NUP85: variants seen among roughly 807,000 people sequenced by gnomAD.
NUP85 encodes the protein nucleoporin 85.
A neutral mutation model predicts 92.8 loss-of-function variants in NUP85; 23 were observed. The ratio of observed to expected loss-of-function variants is 0.25; its 90% CI spans 0.18 to 0.35. The LOEUF (loss-of-function observed/expected upper bound fraction) is 0.35. Among genes scored for constraint, NUP85 ranks in the 10% least tolerant of loss-of-function variants. NUP85 has a pLI of 1.00. For missense variants in NUP85, 759 were observed against 822.8 expected, an observed-to-expected ratio of 0.92 and a Z score of 0.95; for synonymous variants, 314 against 306.9, an observed-to-expected ratio of 1.02 and a Z score of -0.24.
chr17:75,210,375 ACT>A (rs1461885602), intron 3 of NUP85, among the ~76,000 whole-genome samples: 1 of 152,104 alleles, frequency 6.6e-6, no homozygotes, highest in Non-Finnish European at 1.5e-5. Context: ...AGACCAGAAA[ACT>A]CTCGTACTAT....
At position 75,212,077 on chromosome 17, in the gene NUP85, C is replaced by CGCAT; in HGVS notation, c.361+17_361+18insATGC. 1 of 1,488,322 alleles carries CGCAT rather than the reference C, an allele frequency of 6.7e-7. No individual in the cohort carries two copies. Among genetic ancestry groups the CGCAT allele is most frequent in the Non-Finnish European group, 9.0e-7 (1 of 1,113,418 alleles). The allele number at this position is 1,488,322 out of a possible 1,614,324, so 92.2% of individuals were successfully genotyped here. A position where few individuals can be genotyped will look rare whatever the true frequency, so the allele number is the denominator to read the frequency against. ...CCAGGTTGCAAGTAAGGACTGTGTG[C>CGCAT]GCGTGCGCGCGTGTGTGTGTGTGTG... On this transcript the variant is annotated intron_variant, in intron 4 of 18. Coordinates refer to ENST00000245544, the MANE Select transcript of NUP85 (RefSeq NM_024844.5).
In NUP85 at chr17:75,212,228, G is replaced by GTTTTT. The variant is rs768963282; in HGVS notation, c.361+166_361+167insTTTTT. Among the ~76,000 whole-genome samples the GTTTTT allele has an allele frequency of 4.7e-5, 4 of 84,564 alleles. 2 individuals carry two copies. Among genetic ancestry groups the GTTTTT allele is most frequent in the Non-Finnish European group, 4.5e-5 (2 of 44,846 alleles). The allele number at this position is 84,564 out of a possible 152,430, so 55.5% of individuals were successfully genotyped here. On this transcript the variant is annotated intron_variant, in intron 4 of 18. Coordinates refer to ENST00000245544, the MANE Select transcript of NUP85 (RefSeq NM_024844.5). ...CTTACTTTTTTGGTAATCATTTAGA[G>GTTTTT]GTTTTTTTTTTTGTTGTTGTTTTTT...
chr17:75,220,583 T>TTTTA (rs769505494), intron 7 of NUP85, among the ~76,000 whole-genome samples: 3 of 151,404 alleles, frequency 2.0e-5, no homozygotes, highest in African/African-American at 4.9e-5. Flanking sequence ...CAGCTAAAGT[T>TTTTA]TTTATTTATT....
intron 14 of NUP85, 84 bp downstream of exon 14, chr17:75,232,063 C>A (rs2076083358): frequency 6.9e-7 from 1 of 1,440,546 alleles, no homozygotes; most frequent in Non-Finnish European, 9.5e-7. Flanking sequence ...CCTACCCCAG[C>A]CATCCTCCTC....
chr17:75,225,951 G>T, intron 10 of NUP85, 100 bp from the exon 11 acceptor site: 1 of 1,592,610 alleles, frequency 6.3e-7, no homozygotes, highest in Non-Finnish European at 8.6e-7. Context: ...CTTAGTGAAA[G>T]AACAAGGCAC....
chr17:75,213,609 A>G (rs903320044), intron 5 of NUP85, among the ~76,000 whole-genome samples: 1 of 151,950 alleles, frequency 6.6e-6, no homozygotes, highest in Non-Finnish European at 1.5e-5. Context: ...TTCCGTTCTT[A>G]TGGAACATAT....
At chr17:75,207,781 A>G (rs1047505395) in intron 1 of NUP85, among the ~76,000 whole-genome samples, 2 of 151,918 alleles carry the variant, frequency 1.3e-5, no homozygotes, top group Non-Finnish European at 2.9e-5. Flanking sequence ...CTTGGCTAGG[A>G]GTTCGAGATC....
intron 7 of NUP85, among the ~76,000 whole-genome samples, chr17:75,222,681 C>T (rs1385081566): frequency 2.6e-5 from 4 of 151,902 alleles, no homozygotes; most frequent in African/African-American, 9.7e-5. Flanking sequence ...TAACCGATCA[C>T]TTGTTTTATG....
chr17:75,232,582 C>G (rs1017075383), intron 14 of NUP85, among the ~76,000 whole-genome samples: 1 of 152,108 alleles, frequency 6.6e-6, no homozygotes, highest in Admixed American at 6.6e-5. Context: ...AATAGAAGAG[C>G]TGACATGTAG....
chr17:75,228,059 GTTGGTGT>G (rs1266988662), intron 11 of NUP85: 7 of 301,686 alleles, frequency 2.3e-5, no homozygotes, highest in Non-Finnish European at 2.9e-5. Flanking sequence ...GTTTGGCTTT[GTTGGTGT>G]CTCTGCCCAT....
At chr17:75,230,271 G>A (rs1049217744) in intron 11 of NUP85, among the ~76,000 whole-genome samples, 23 of 152,046 alleles carry the variant, frequency 1.5e-4, no homozygotes, top group African/African-American at 5.5e-4. Context: ...TTGAACTCCT[G>A]AGCTCAAGTG....
rs1181365825 is a variant in NUP85 at position 75,225,120 on chromosome 17, G to A, written c.615G>A (p.Leu205=). ...CCTCCCAGGTGACCATCTTGGTGCT[G>A]CAGGGCCGGCTGGATGAGGCCCGAC... ...SFWNLVTILV[L]QGRLDEARQM... The change falls in exon 8 of 19, where the codon CTG becomes CTA. Residue 205 remains leucine (L), a synonymous_variant. Transcript: ENST00000245544. The A allele has an allele frequency of 6.4e-7, 1 of 1,570,174 alleles. No homozygotes were observed. Among genetic ancestry groups the A allele is most frequent in the Admixed American group, 1.8e-5 (1 of 55,936 alleles).
chr17:75,232,045 A>G, intron 14 of NUP85, 66 bp downstream of exon 14: 1 of 1,559,682 alleles, frequency 6.4e-7, no homozygotes, highest in South Asian at 1.1e-5. Flanking sequence ...CTGAGGTCAC[A>G]CTTTATGCCT....
chr17:75,219,228 C>T (rs1398187117), intron 7 of NUP85, among the ~76,000 whole-genome samples: 2 of 152,086 alleles, frequency 1.3e-5, no homozygotes, highest in African/African-American at 4.8e-5. Flanking sequence ...CACGGTGGCT[C>T]ACAGGAAGTA....
At chr17:75,225,854 G>C in intron 10 of NUP85, 25 bp downstream of exon 10, 1 of 1,613,744 alleles carries the variant, frequency 6.2e-7, no homozygotes. Context: ...GGTGGGCAAG[G>C]GTGGGGGTAG....
intron 7 of NUP85, among the ~76,000 whole-genome samples, chr17:75,223,572 G>T (rs1028179543): frequency 6.6e-6 from 1 of 151,978 alleles, no homozygotes; most frequent in East Asian, 1.9e-4. Context: ...ATTTTTAGTA[G>T]AAACAGGGTT....
At chr17:75,215,328 G>T (rs1487333783) in intron 5 of NUP85, among the ~76,000 whole-genome samples, 1 of 152,132 alleles carries the variant, frequency 6.6e-6, no homozygotes, top group East Asian at 1.9e-4. Context: ...TCCCACCTCA[G>T]CCTCCTGAGT....
intron 11 of NUP85, chr17:75,228,295 G>A (rs148854474): frequency 6.1e-6 from 6 of 985,224 alleles, no homozygotes; most frequent in Middle Eastern, 1.0e-3. Context: ...CATCACTCTC[G>A]TGCCGGACAC....
intron 7 of NUP85, among the ~76,000 whole-genome samples, chr17:75,222,844 G>T (rs969202550): frequency 6.6e-6 from 1 of 151,894 alleles, no homozygotes; most frequent in Non-Finnish European, 1.5e-5. Flanking sequence ...GACCATCCTG[G>T]CTAACACAGT....
Sources: gnomAD v4.1 joint callset for allele counts (sites outside exome capture counted in the v4.1 genomes callset) on GRCh38, gnomAD v4.1.1 for gene constraint, MANE v1.5 for transcripts, NCBI Gene and HGNC (gene_info 2026-07-23, HGNC 2026-07-21) for gene names.